Variants in DLG2 observed in about 807,000 individuals in gnomAD.
The protein encoded by DLG2 is discs large MAGUK scaffold protein 2.
Under a neutral mutation model 132.5 loss-of-function variants are expected in DLG2, and 45 were observed. The observed-to-expected ratio is 0.34, with a 90% CI of 0.27 to 0.44. The LOEUF (loss-of-function observed/expected upper bound fraction) is 0.44. Ranked by LOEUF, DLG2 falls within the 20% of genes least tolerant of loss-of-function variation. The pLI, the probability that DLG2 is intolerant of heterozygous loss-of-function variation, is 1.00. For synonymous variants in DLG2, 424 were observed against 419.6 expected, an observed-to-expected ratio of 1.01 and a Z score of -0.13; for missense variants, 1,045 against 1,196.9, an observed-to-expected ratio of 0.87 and a Z score of 1.87.
intron 7 of DLG2, among the ~76,000 whole-genome samples, chr11:84,343,317 T>C (rs1201639676): frequency 6.6e-6 from 1 of 152,228 alleles, no homozygotes; most frequent in Non-Finnish European, 1.5e-5. Flanking sequence ...TATAATTAGA[T>C]ATTACAAAGT....
intron 7 of DLG2, among the ~76,000 whole-genome samples, chr11:84,266,962 G>A (rs1393514068): frequency 6.6e-6 from 1 of 152,162 alleles, no homozygotes; most frequent in Non-Finnish European, 1.5e-5. Flanking sequence ...TGCCCTGCAA[G>A]GAATTCATAA....
chr11:83,667,589 T>C lies in DLG2; in HGVS notation c.1826-34264A>G, dbSNP rs2153564192. Among the ~76,000 whole-genome samples the C allele has an allele frequency of 1.3e-5, 2 of 152,308 alleles. 1 individual carries two copies. On this transcript the variant is annotated intron_variant, in intron 18 of 27. Transcript: ENST00000376104. ...CCAGCTTGTTCAAACTCCTTTTCAATTCAGAAAGCCATGCTAAGGAAATTA... is the reference window on the plus strand; with the variant it reads ...CCAGCTTGTTCAAACTCCTTTTCAACTCAGAAAGCCATGCTAAGGAAATTA...
chr11:84,985,934 G>T (rs914391854), intron 6 of DLG2, among the ~76,000 whole-genome samples: 54 of 130,102 alleles, frequency 4.2e-4, no homozygotes, highest in African/African-American at 1.5e-3. Context: ...GAAGGCTGCA[G>T]TGTGCCACGA....
At chr11:84,242,217 A>G (rs1260556020) in intron 8 of DLG2, among the ~76,000 whole-genome samples, 1 of 152,166 alleles carries the variant, frequency 6.6e-6, no homozygotes, top group African/African-American at 2.4e-5. Flanking sequence ...TGACAAGCCT[A>G]AGTAAGGGCT....
At chr11:85,539,229 A>G (rs1452637527) in intron 3 of DLG2, among the ~76,000 whole-genome samples, 2 of 150,438 alleles carry the variant, frequency 1.3e-5, no homozygotes, top group Non-Finnish European at 2.9e-5. Flanking sequence ...GCAGTGCCTT[A>G]GACTGCTCGG....
chr11:83,823,148 A>ATT (rs201506859), intron 17 of DLG2, among the ~76,000 whole-genome samples: 2,757 of 152,244 alleles, frequency 0.018, 83 homozygotes, highest in African/African-American at 0.063. Flanking sequence ...GCCCAAACAA[A>ATT]TTGGACTAAA....
chr11:85,221,355 C>A (rs1361943602), intron 4 of DLG2, among the ~76,000 whole-genome samples: 1 of 151,990 alleles, frequency 6.6e-6, no homozygotes, highest in Non-Finnish European at 1.5e-5. Context: ...CCGCTCCCGG[C>A]CTCAAACTTT....
At chr11:83,732,175 G>A (rs894003296) in intron 18 of DLG2, among the ~76,000 whole-genome samples, 26 of 152,148 alleles carry the variant, frequency 1.7e-4, no homozygotes, top group African/African-American at 5.8e-4. Flanking sequence ...GTTTTTGGAT[G>A]TGATTCCAGA....
At chr11:83,542,077 AT>A (rs3214598) in intron 19 of DLG2, among the ~76,000 whole-genome samples, 100,129 of 151,900 alleles carry the variant, frequency 0.66, 33,544 homozygotes, top group African/African-American at 0.75. Flanking sequence ...TGGCCTATAG[AT>A]TCCCCCAAAC....
rs1487143424 is a variant in DLG2, at chr11:85,022,602, C to T, written c.357+89059G>A. 4.6e-5 allele frequency among the ~76,000 whole-genome samples: 7 copies of T among 152,064 alleles called. No individual in the cohort carries two copies. In the East Asian group the frequency reaches 1.4e-3, roughly 29 times the overall value. ...GATAAGTTACTCAACTGCTTTGAGCCACGTTTTGTCTGTAAAAAAAGAATT... is the reference window on the plus strand; with the variant it reads ...GATAAGTTACTCAACTGCTTTGAGCTACGTTTTGTCTGTAAAAAAAGAATT... On this transcript the variant is annotated intron_variant, in intron 6 of 27. Transcript: ENST00000376104.
intron 11 of DLG2, among the ~76,000 whole-genome samples, chr11:84,054,949 G>C (rs2096471076): frequency 6.6e-6 from 1 of 151,860 alleles, no homozygotes; most frequent in Non-Finnish European, 1.5e-5. Flanking sequence ...CTTTAAAATA[G>C]CTGAAGTAGC....
In DLG2 at chr11:84,094,774, T is replaced by C. The variant is rs116023406; in HGVS notation, c.749+4149A>G. ...CCTCCTGATATCATTACATTGGGGA[T>C]TAGCTTTCAACAGATGAATTTTGGG... is the stretch of plus-strand genomic sequence containing the variant. On this transcript the variant is annotated intron_variant, in intron 10 of 27. Transcript: ENST00000376104. Among the ~76,000 whole-genome samples the C allele has an allele frequency of 9.3e-3, 1,420 of 152,278 alleles. 26 individuals carry two copies. Among genetic ancestry groups the C allele is most frequent in the African/African-American group, 0.032 (1,339 of 41,546 alleles).
intron 17 of DLG2, among the ~76,000 whole-genome samples, chr11:83,827,045 A>T (rs1297912914): frequency 6.6e-6 from 1 of 152,124 alleles, no homozygotes; most frequent in Non-Finnish European, 1.5e-5. Flanking sequence ...AAACTAGGAA[A>T]GCAAGGTTCC....
At chr11:85,128,741 G>A (rs1391232313) in intron 5 of DLG2, among the ~76,000 whole-genome samples, 14 of 152,078 alleles carry the variant, frequency 9.2e-5, no homozygotes, top group South Asian at 4.1e-4. Flanking sequence ...CAAAACATAC[G>A]TAGGGAATTC....
At chr11:83,862,076 A>T (rs2061546464) in intron 16 of DLG2, among the ~76,000 whole-genome samples, 1 of 152,204 alleles carries the variant, frequency 6.6e-6, no homozygotes, top group Non-Finnish European at 1.5e-5. Context: ...ATGATTCAGC[A>T]ATCCCACTAC....
chr11:83,460,817 C>G (rs1433215646), intron 27 of DLG2, among the ~76,000 whole-genome samples: 1 of 152,070 alleles, frequency 6.6e-6, no homozygotes, highest in Non-Finnish European at 1.5e-5. Flanking sequence ...TTTCTCCTAC[C>G]TGGATGTTCT....
chr11:85,006,555 G>T (rs1424589523), intron 6 of DLG2, among the ~76,000 whole-genome samples: 2 of 152,088 alleles, frequency 1.3e-5, no homozygotes, highest in African/African-American at 4.8e-5. Flanking sequence ...TTGCATTTCT[G>T]TGAGATCAGT....
At position 84,828,172 on chromosome 11, in the gene DLG2, G is replaced by A. The variant is rs753453776; in HGVS notation, c.357+283489C>T. Among the ~76,000 whole-genome samples the A allele has an allele frequency of 2.6e-5, 4 of 151,750 alleles. No individual in the cohort carries two copies. In the South Asian group the frequency reaches 6.2e-4, roughly 24 times the overall value. ...AAGGACTGGATAGGCAGGGGCAGGAGAGAAAGAAAGCAGGGAAGTGTCATT... is the reference window on the plus strand; with the variant it reads ...AAGGACTGGATAGGCAGGGGCAGGAAAGAAAGAAAGCAGGGAAGTGTCATT... On this transcript the variant is annotated intron_variant, in intron 6 of 27. Coordinates refer to ENST00000376104, the MANE Select transcript of DLG2 (RefSeq NM_001142699.3).
At chr11:84,407,871 T>C (rs1438196905) in intron 7 of DLG2, among the ~76,000 whole-genome samples, 1 of 152,206 alleles carries the variant, frequency 6.6e-6, no homozygotes, top group African/African-American at 2.4e-5. Flanking sequence ...ATCATCACTG[T>C]AGACCTACTT....
Sources: gnomAD v4.1 joint callset for allele counts (sites outside exome capture counted in the v4.1 genomes callset) on GRCh38, gnomAD v4.1.1 for gene constraint, MANE v1.5 for transcripts, NCBI Gene and HGNC (gene_info 2026-07-23, HGNC 2026-07-21) for gene names.